AGAP2: variants seen among roughly 807,000 people sequenced by gnomAD.
The protein encoded by AGAP2 is ArfGAP with GTPase domain, ankyrin repeat and PH domain 2, also known as arf-GAP with GTPase, ANK repeat and PH domain-containing protein 2.
Under a neutral mutation model 110.9 loss-of-function variants are expected in AGAP2, and 32 were observed. The observed-to-expected ratio is 0.29, with a 90% CI of 0.22 to 0.39. AGAP2 has a LOEUF of 0.39. AGAP2 is among the 10% of genes least tolerant of loss of function. AGAP2 has a pLI of 1.00. For synonymous variants in AGAP2, 702 were observed against 713.0 expected (o/e 0.98, Z 0.25); for missense variants, 1,285 against 1,638.5 (o/e 0.78, Z 3.72).
chr12:57,730,469 G>A (rs1423285499), intron 12 of AGAP2, 26 bp downstream of exon 12: 3 of 1,612,512 alleles, frequency 1.9e-6, no homozygotes, highest in South Asian at 1.1e-5. Context: ...GTGGAAGACA[G>A]CAGATGGAAG....
chr12:57,735,004 G>A (rs1954953929), intron 2 of AGAP2, among the ~76,000 whole-genome samples: 1 of 151,498 alleles, frequency 6.6e-6, no homozygotes, highest in South Asian at 2.1e-4. Context: ...GTGTGTGTGT[G>A]TCTCTGTGTG....
upstream of AGAP2, chr12:57,741,775 T>C: frequency 5.9e-6 from 6 of 1,021,708 alleles, no homozygotes; most frequent in Non-Finnish European, 8.8e-6. Context: ...CCATCCTCCC[T>C]AAATGTATTC....
In AGAP2 at chr12:57,728,337, T is replaced by A. The variant is rs763775852; in HGVS notation, c.2598A>T (p.Leu866Phe). 1.9e-6 allele frequency: 3 copies of A among 1,613,858 alleles called. No homozygotes were observed. Among genetic ancestry groups the A allele is most frequent in the Non-Finnish European group, 2.5e-6 (3 of 1,179,900 alleles). ...KMWKLKSFGSLRNIYKAEENF... is the reference protein window; with the variant it reads ...KMWKLKSFGSFRNIYKAEENF... ...TGTTACCTGCTTTATAAATATTTCTTAAACTACCAAAGGATTTTAGTTTCC... is the reference window on the plus strand; with the variant it reads ...TGTTACCTGCTTTATAAATATTTCTAAAACTACCAAAGGATTTTAGTTTCC... Residue 866 changes from leucine (L) to phenylalanine (F), a missense_variant, in exon 14 of 19, where the codon TTA becomes TTT. This residue lies in a region of AGAP2 where 135 missense variants were observed against 182.0 expected (regional missense o/e 0.74). Coordinates refer to ENST00000547588, the MANE Select transcript of AGAP2 (RefSeq NM_001122772.3).
chr12:57,742,157 C>T, upstream of AGAP2: 1 of 1,499,560 alleles, frequency 6.7e-7, no homozygotes, highest in Non-Finnish European at 9.0e-7. Context: ...CAGAAGGCCC[C>T]TTCTGCTGTG....
chr12:57,726,157 A>C lies in AGAP2; in HGVS notation c.*395T>G. The C allele has an allele frequency of 6.5e-6, 1 of 154,944 alleles. No homozygotes were observed. Among genetic ancestry groups the C allele is most frequent in the Non-Finnish European group, 1.4e-5 (1 of 69,782 alleles). The allele number at this position is 154,944 out of a possible 1,614,324, so 9.6% of individuals were successfully genotyped here. On this transcript the variant is annotated 3_prime_UTR_variant, in exon 19 of 19. Coordinates refer to ENST00000547588, the MANE Select transcript of AGAP2 (RefSeq NM_001122772.3). The surrounding 1 kb of genome is among the most constrained non-coding windows in gnomAD (Gnocchi z 5.7). ...CGTCGCCCCAGGAGCCAGCCTGGGTATGGGCTCCCGCCCTGGGATTGTTGA... is the reference window on the plus strand; with the variant it reads ...CGTCGCCCCAGGAGCCAGCCTGGGTCTGGGCTCCCGCCCTGGGATTGTTGA...
Position 57,738,107 on chromosome 12 carries a change from G to T in AGAP2, c.140C>A (p.Ser47Tyr). Reference protein sequence around the residue: ...AAAGAAGARGSETGDPGSPRG... With the variant: ...AAAGAAGARGYETGDPGSPRG... ...GGGGCTGCCAGGATCCCCAGTCTCG[G>T]AGCCTCTGGCACCGGCGGCGCCGGC... is the stretch of plus-strand genomic sequence containing the variant. Residue 47 changes from serine (S) to tyrosine (Y), a missense_variant, in exon 1 of 19, where the codon TCC (serine) becomes TAC (tyrosine). By Grantham distance (144) the Ser-to-Tyr change is moderately radical. Around this residue, in one of 7 missense-constraint regions of AGAP2, gnomAD observed 844 missense variants for 941.2 expected, o/e 0.90. Coordinates refer to ENST00000547588, the MANE Select transcript of AGAP2 (RefSeq NM_001122772.3). The surrounding 1 kb of genome is among the most constrained non-coding windows in gnomAD (Gnocchi z 6.7). 2.0e-6 allele frequency: 3 copies of T among 1,522,974 alleles called. No homozygotes were observed. The highest frequency in any genetic ancestry group is 2.6e-6 in the Non-Finnish European group (3 of 1,140,758). 94.3% of individuals were successfully genotyped at this position (1,522,974 alleles called of 1,614,324 possible).
intron 12 of AGAP2, 37 bp downstream of exon 12, chr12:57,730,458 T>G (rs778080477): frequency 6.2e-7 from 1 of 1,611,080 alleles, no homozygotes; most frequent in South Asian, 1.1e-5. Context: ...CCTATTTGGG[T>G]GTGGAAGACA....
In AGAP2 at chr12:57,738,025, A is replaced by T; in HGVS notation, c.222T>A (p.Asp74Glu). The T allele has an allele frequency of 6.6e-7, 1 of 1,517,280 alleles. No individual in the cohort carries two copies. Among genetic ancestry groups the T allele is most frequent in the South Asian group, 1.2e-5 (1 of 82,836 alleles). The allele number at this position is 1,517,280 out of a possible 1,614,324, so 94.0% of individuals were successfully genotyped here. The change falls in exon 1 of 19, where the codon GAT becomes GAA. Residue 74 changes from aspartate (D) to glutamate (E), a missense_variant. By Grantham distance (45) the Asp-to-Glu change is conservative. This residue lies in a region of AGAP2 where 844 missense variants were observed against 941.2 expected (regional missense o/e 0.90). Coordinates refer to ENST00000547588, the MANE Select transcript of AGAP2 (RefSeq NM_001122772.3). This position sits in a 1 kb window ranked among gnomAD's most constrained non-coding sequence, Gnocchi z 6.7. ...CGCTGCTCGTGCTGATCCACAGCGC[A>T]TCCTGCCGGTGGAAGAGACGTTCGT... ...KRHERLFHRQ[D>E]ALWISTSSAG...
intron 17 of AGAP2, 64 bp from the exon 18 acceptor site, chr12:57,727,293 C>T (rs1954788667): frequency 1.2e-6 from 2 of 1,610,364 alleles, no homozygotes; most frequent in East Asian, 4.5e-5. Context: ...CTGCCCCTAC[C>T]CACGGGACCG....
At position 57,727,114 on chromosome 12, in the gene AGAP2, C is replaced by T; in HGVS notation, c.3196G>A (p.Asp1066Asn). 6.3e-7 allele frequency: 1 copy of T among 1,597,072 alleles called. No individual in the cohort carries two copies. The highest frequency in any genetic ancestry group is 8.5e-7 in the Non-Finnish European group (1 of 1,173,056). Reference protein sequence around the residue: ...RQLWAAVQAQDVATVLLLLAH... With the variant: ...RQLWAAVQAQNVATVLLLLAH... ...AAAAGCAGGAGAACGGTAGCCACGT[C>T]CTGGGCCTGCACGGCGGCCCACAGC... The change falls in exon 18 of 19, where the codon GAC becomes AAC. Residue 1066 changes from aspartate (D) to asparagine (N), a missense_variant. By Grantham distance (23) the Asp-to-Asn change is conservative. This residue lies in a region of AGAP2 where 201 missense variants were observed against 276.1 expected (regional missense o/e 0.73). Transcript: ENST00000547588.
chr12:57,732,711 C>T, intron 6 of AGAP2, 134 bp downstream of exon 6: 1 of 1,484,896 alleles, frequency 6.7e-7, no homozygotes, highest in Non-Finnish European at 9.1e-7. Context: ...TCTCTGGCCT[C>T]CCTGATCTCT....
At chr12:57,728,247 A>T in intron 14 of AGAP2, 71 bp downstream of exon 14, 7 of 1,567,530 alleles carry the variant, frequency 4.5e-6, no homozygotes, top group Non-Finnish European at 6.1e-6. Flanking sequence ...GAGCACATGC[A>T]GGGGAAGGCG....
downstream of AGAP2, chr12:57,724,271 C>G (rs1247467510): frequency 6.6e-6 from 1 of 152,230 alleles, no homozygotes; most frequent in Admixed American, 6.5e-5. Flanking sequence ...GGGTCAGAAG[C>G]AATTCTACCC....
At position 57,726,721 on chromosome 12, in the gene AGAP2, T is replaced by C; in HGVS notation, c.3410A>G (p.Gln1137Arg). Reference protein sequence around the residue: ...ALFYARQAGSQLCADILLQHG... With the variant: ...ALFYARQAGSRLCADILLQHG... ...CTGGAGAAGGATGTCGGCGCACAGC[T>C]GGCTTCCAGCCTGGCGGGCGTAGAA... The change falls in exon 19 of 19, where the codon CAG (glutamine) becomes CGG (arginine). Residue 1137 changes from glutamine to arginine, a missense_variant. Gln to Arg is a conservative substitution (Grantham distance 43, BLOSUM62 1). This residue lies in a region of AGAP2 where 201 missense variants were observed against 276.1 expected (regional missense o/e 0.73). Coordinates refer to ENST00000547588, the MANE Select transcript of AGAP2 (RefSeq NM_001122772.3). The surrounding 1 kb of genome is among the most constrained non-coding windows in gnomAD (Gnocchi z 5.7). 1 of 1,265,778 alleles carries C rather than the reference T, an allele frequency of 7.9e-7. No individual in the cohort carries two copies. 78.4% of individuals were successfully genotyped at this position (1,265,778 alleles called of 1,614,324 possible).
intron 14 of AGAP2, 22 bp from the exon 15 acceptor site, chr12:57,728,107 G>A: frequency 6.4e-7 from 1 of 1,574,656 alleles, no homozygotes; most frequent in Non-Finnish European, 8.6e-7. Context: ...ATGGGATGGG[G>A]TCATTAAGGG....
In AGAP2 at chr12:57,738,032, C is replaced by G. The variant is rs1955023875; in HGVS notation, c.215G>C (p.Arg72Pro). Residue 72 changes from arginine to proline, a missense_variant, in exon 1 of 19, where the codon CGG becomes CCG. Physicochemically the swap from Arg to Pro is moderately radical, Grantham distance 103 (BLOSUM62 -2). Transcript: ENST00000547588. This position sits in a 1 kb window ranked among gnomAD's most constrained non-coding sequence, Gnocchi z 6.7. ...GKKRHERLFHRQDALWISTSS... is the reference protein window; with the variant it reads ...GKKRHERLFHPQDALWISTSS... The stretch of plus-strand genomic sequence containing the variant: ...CGTGCTGATCCACAGCGCATCCTGC[C>G]GGTGGAAGAGACGTTCGTGCCGCTT... 2 of 1,519,260 alleles carry G rather than the reference C, an allele frequency of 1.3e-6. No homozygotes were observed. Among genetic ancestry groups the G allele is most frequent in the Non-Finnish European group, 1.8e-6 (2 of 1,139,336 alleles). The allele number at this position is 1,519,260 out of a possible 1,614,324, so 94.1% of individuals were successfully genotyped here.
rs1651862996 is a variant in AGAP2 at position 57,727,425 on chromosome 12, G to T, written c.3015C>A (p.Asp1005Glu). ...CGCTTTCCCACACGCGGTTGGCCGTGTCGTTGCCAATAGCCGTCAGCACCA... is the reference window on the plus strand; with the variant it reads ...CGCTTTCCCACACGCGGTTGGCCGTTTCGTTGCCAATAGCCGTCAGCACCA... Reference protein sequence around the residue: ...LTLVLTAIGNDTANRVWESDT... With the variant: ...LTLVLTAIGNETANRVWESDT... The change falls in exon 17 of 19, where the codon GAC (aspartate) becomes GAA (glutamate). Residue 1005 changes from aspartate (D) to glutamate (E), a missense_variant. Asp to Glu is a conservative substitution (Grantham distance 45). Around this residue, in one of 7 missense-constraint regions of AGAP2, gnomAD observed 201 missense variants for 276.1 expected, o/e 0.73. Coordinates refer to ENST00000547588, the MANE Select transcript of AGAP2 (RefSeq NM_001122772.3). 22 of 1,613,678 alleles carry T rather than the reference G, an allele frequency of 1.4e-5. No homozygotes were observed. The highest frequency in any genetic ancestry group is 1.9e-5 in the Non-Finnish European group (22 of 1,179,940).
Position 57,726,721 on chromosome 12 carries a change from T to A in AGAP2, c.3410A>T (p.Gln1137Leu), listed in dbSNP as rs1475550172. ...ALFYARQAGS[Q>L]LCADILLQHG... ...CTGGAGAAGGATGTCGGCGCACAGC[T>A]GGCTTCCAGCCTGGCGGGCGTAGAA... The change falls in exon 19 of 19, where the codon CAG (glutamine) becomes CTG (leucine). Residue 1137 changes from glutamine to leucine, a missense_variant. By Grantham distance (113) the Gln-to-Leu change is moderately radical. Coordinates refer to ENST00000547588, the MANE Select transcript of AGAP2 (RefSeq NM_001122772.3). This position sits in a 1 kb window ranked among gnomAD's most constrained non-coding sequence, Gnocchi z 5.7. The A allele has an allele frequency of 1.6e-6, 2 of 1,265,670 alleles. No individual in the cohort carries two copies. The highest frequency in any genetic ancestry group is 3.1e-5 in the African/African-American group (2 of 63,510). The allele number at this position is 1,265,670 out of a possible 1,614,324, so 78.4% of individuals were successfully genotyped here.
chr12:57,737,593 C>T lies in AGAP2; in HGVS notation c.654G>A (p.Lys218=). The T allele has an allele frequency of 6.5e-7, 1 of 1,548,152 alleles. No homozygotes were observed. The highest frequency in any genetic ancestry group is 8.7e-7 in the Non-Finnish European group (1 of 1,146,866). The change falls in exon 1 of 19, where the codon AAG becomes AAA. Residue 218 remains lysine (K), a synonymous_variant. Coordinates refer to ENST00000547588, the MANE Select transcript of AGAP2 (RefSeq NM_001122772.3). This position sits in a 1 kb window ranked among gnomAD's most constrained non-coding sequence, Gnocchi z 5.9. ...SRLSWPESEG[K]PRVKGSKSSA... ...TGCTCTTTGACCCCTTGACCCTGGG[C>T]TTGCCCTCGCTTTCGGGCCATGACA...
Sources: gnomAD v4.1 joint callset for allele counts (sites outside exome capture counted in the v4.1 genomes callset) on GRCh38, gnomAD v4.1.1 for gene constraint, gnomAD v4.1.1 regional missense constraint, Gnocchi (gnomAD v3.1) non-coding constraint, MANE v1.5 for transcripts, NCBI Gene and HGNC (gene_info 2026-07-23, HGNC 2026-07-21) for gene names.